MARCHF1: variants seen among roughly 807,000 people sequenced by gnomAD.
MARCHF1 encodes the protein E3 ubiquitin-protein ligase MARCHF1.
In MARCHF1, 40 loss-of-function variants were observed where a neutral mutation model predicts 54.2. The observed-to-expected ratio is 0.74, with a 90% CI of 0.57 to 0.96. The LOEUF is 0.96. Ranked by LOEUF, MARCHF1 falls within the 40% of genes least tolerant of loss-of-function variation. The pLI is 0.00. For missense variants in MARCHF1, 586 were observed against 656.5 expected (o/e 0.89, Z 1.17); for synonymous variants, 236 against 236.3 (o/e 1.00, Z 0.01).
chr4:163,628,819 A>G (rs891042346), intron 5 of MARCHF1, among the ~76,000 whole-genome samples: 3 of 152,204 alleles, frequency 2.0e-5, no homozygotes, highest in African/African-American at 7.2e-5. Context: ...AAGAGAAAAA[A>G]ATACCTAGGA....
chr4:163,854,053 C>G lies in MARCHF1; in HGVS notation c.79G>C (p.Asp27His), dbSNP rs1215841493. 1.3e-6 allele frequency: 2 copies of G among 1,536,904 alleles called. No individual in the cohort carries two copies. Among genetic ancestry groups the G allele is most frequent in the African/African-American group, 2.7e-5 (2 of 73,146 alleles). Residue 27 changes from aspartate (D) to histidine (H), a missense_variant, in exon 4 of 10, where the codon GAT becomes CAT. This residue lies in a region of MARCHF1 where 387 missense variants were observed against 394.6 expected (regional missense o/e 0.98). Coordinates refer to ENST00000514618, the MANE Select transcript of MARCHF1 (RefSeq NM_001394959.1). ...NNTRTPEISG[D>H]LADASQTSTL... ...GAGGTTTGTGAGGCGTCAGCCAAAT[C>G]CCCTGAGATCTCGGGTGTTCGCGTG...
At chr4:163,895,897 G>A (rs983811536) in intron 3 of MARCHF1, among the ~76,000 whole-genome samples, 3 of 151,880 alleles carry the variant, frequency 2.0e-5, no homozygotes, top group Non-Finnish European at 4.4e-5. Context: ...CAGTAAGCAT[G>A]ACCCCCCCAC....
At chr4:163,649,704 AC>A (rs752884511) in intron 5 of MARCHF1, among the ~76,000 whole-genome samples, 4 of 151,528 alleles carry the variant, frequency 2.6e-5, no homozygotes, top group Non-Finnish European at 4.4e-5. Flanking sequence ...CAGCTAACTG[AC>A]CCCCACCCCC....
intron 1 of MARCHF1, among the ~76,000 whole-genome samples, chr4:164,361,886 G>T (rs146004256): frequency 4.3e-4 from 66 of 152,046 alleles, no homozygotes; most frequent in African/African-American, 1.5e-3. Flanking sequence ...TTACAGAAAT[G>T]AATGCCAACA....
At chr4:164,086,885 A>C (rs984424524) in intron 2 of MARCHF1, among the ~76,000 whole-genome samples, 1 of 152,114 alleles carries the variant, frequency 6.6e-6, no homozygotes, top group African/African-American at 2.4e-5. Context: ...GAAATATTAT[A>C]ACAATAATTT....
chr4:164,010,422 A>G (rs1003544548), intron 2 of MARCHF1, among the ~76,000 whole-genome samples: 9 of 152,044 alleles, frequency 5.9e-5, no homozygotes, highest in African/African-American at 1.9e-4. Flanking sequence ...TAATAAACAA[A>G]TTCAGTAAAG....
intron 1 of MARCHF1, among the ~76,000 whole-genome samples, chr4:164,300,202 G>A (rs541260373): frequency 1.3e-5 from 2 of 151,946 alleles, no homozygotes; most frequent in African/African-American, 2.4e-5. Context: ...CATCATTATT[G>A]CCGAGACTAA....
intron 3 of MARCHF1, among the ~76,000 whole-genome samples, chr4:163,898,967 T>C (rs928685687): frequency 5.9e-5 from 9 of 152,188 alleles, no homozygotes; most frequent in African/African-American, 1.7e-4. Context: ...TTCTCACTTA[T>C]AGGTGGTAGC....
At chr4:163,851,505 G>A (rs7657544) in intron 4 of MARCHF1, among the ~76,000 whole-genome samples, 139,519 of 152,248 alleles carry the variant, frequency 0.92, 64,457 homozygotes, top group Non-Finnish European at 0.99. Flanking sequence ...CATTTTCATC[G>A]TTTGATGAGG....
At chr4:163,847,804 C>T (rs1453865666) in intron 4 of MARCHF1, among the ~76,000 whole-genome samples, 1 of 152,066 alleles carries the variant, frequency 6.6e-6, no homozygotes. Context: ...TAGTCTCGAA[C>T]TCCAGGCGTC....
At chr4:164,142,547 C>T (rs1317969702) in intron 1 of MARCHF1, among the ~76,000 whole-genome samples, 1 of 152,176 alleles carries the variant, frequency 6.6e-6, no homozygotes, top group Non-Finnish European at 1.5e-5. Context: ...GGGAGGCACC[C>T]CCCAGCAGGG....
At chr4:164,210,707 G>A (rs1731738926) in intron 1 of MARCHF1, among the ~76,000 whole-genome samples, 2 of 152,224 alleles carry the variant, frequency 1.3e-5, no homozygotes, top group South Asian at 4.1e-4. Context: ...AGCCAGCAAA[G>A]TTGACTGAGA....
intron 4 of MARCHF1, among the ~76,000 whole-genome samples, chr4:163,713,132 C>G (rs1163494608): frequency 6.6e-6 from 1 of 151,874 alleles, no homozygotes. Context: ...AACTTGCACC[C>G]TAGATAAGAA....
intron 8 of MARCHF1, among the ~76,000 whole-genome samples, chr4:163,577,607 T>C (rs1360998326): frequency 6.6e-6 from 1 of 152,056 alleles, no homozygotes; most frequent in East Asian, 1.9e-4. Context: ...CTGAATTTCT[T>C]GTATCTGGAT....
intron 1 of MARCHF1, among the ~76,000 whole-genome samples, chr4:164,155,748 C>T (rs1400084038): frequency 6.6e-6 from 1 of 152,042 alleles, no homozygotes; most frequent in Non-Finnish European, 1.5e-5. Context: ...GTGGTGGTTA[C>T]AGACTTCACC....
intron 1 of MARCHF1, among the ~76,000 whole-genome samples, chr4:164,254,359 C>T (rs1222283845): frequency 1.3e-5 from 2 of 148,162 alleles, no homozygotes; most frequent in African/African-American, 5.1e-5. Flanking sequence ...TATATATAAA[C>T]TCCCCTTTAT....
intron 2 of MARCHF1, among the ~76,000 whole-genome samples, chr4:164,074,749 T>C (rs1434833350): frequency 6.6e-6 from 1 of 152,118 alleles, no homozygotes; most frequent in East Asian, 1.9e-4. Context: ...TTATTAGTTT[T>C]AAATCGATCT....
intron 2 of MARCHF1, among the ~76,000 whole-genome samples, chr4:164,025,764 CA>C (rs1242789634): frequency 3.3e-5 from 5 of 149,742 alleles, no homozygotes; most frequent in African/African-American, 1.2e-4. Flanking sequence ...GGCAAAAATC[CA>C]TGCAAAAGAT....
At chr4:164,066,031 C>A (rs927058896) in intron 2 of MARCHF1, among the ~76,000 whole-genome samples, 2 of 152,152 alleles carry the variant, frequency 1.3e-5, no homozygotes, top group Non-Finnish European at 2.9e-5. Context: ...TCTGGAAACA[C>A]CCTCACAGAC....
Sources: allele counts gnomAD v4.1 joint callset (sites outside exome capture counted in the v4.1 genomes callset), GRCh38; gene constraint gnomAD v4.1.1; regional missense constraint gnomAD v4.1.1; transcripts MANE v1.5; gene names NCBI Gene and HGNC (gene_info 2026-07-23, HGNC 2026-07-21).